The following BNC2 variants were observed in gnomAD, a reference collection of about 807,000 sequenced individuals.
BNC2 encodes basonuclin zinc finger protein 2.
BNC2 carries 20 observed loss-of-function variants against 76.3 expected under a neutral mutation model. The ratio of observed to expected loss-of-function variants is 0.26; its 90% confidence interval spans 0.18 to 0.38. The LOEUF is 0.38. BNC2 is among the 10% of genes least tolerant of loss of function. The pLI is 1.00. For missense variants in BNC2, 1,382 were observed against 1,399.8 expected (o/e 0.99, Z 0.20); for synonymous variants, 582 against 514.8 (o/e 1.13, Z -1.77).
At chr9:16,534,138 C>G (rs950053221) in intron 5 of BNC2, among the ~76,000 whole-genome samples, 3 of 152,110 alleles carry the variant, frequency 2.0e-5, no homozygotes, top group African/African-American at 7.2e-5. Flanking sequence ...GCAAAGAGCT[C>G]TAGATGTGAT....
intron 4 of BNC2, among the ~76,000 whole-genome samples, chr9:16,568,192 T>G (rs16934814): frequency 0.066 from 10,028 of 152,172 alleles, 1,156 homozygotes; most frequent in African/African-American, 0.23. Context: ...AGACTACTAT[T>G]TGAATTTCCA....
At chr9:16,520,007 A>G (rs1817565031) in intron 5 of BNC2, among the ~76,000 whole-genome samples, 1 of 152,182 alleles carries the variant, frequency 6.6e-6, no homozygotes, top group South Asian at 2.1e-4. Flanking sequence ...AAATCAAATT[A>G]TCTTTAAGAA....
chr9:16,860,041 G>C (rs370635738), intron 1 of BNC2, among the ~76,000 whole-genome samples: 4 of 151,796 alleles, frequency 2.6e-5, no homozygotes, highest in Non-Finnish European at 5.9e-5. Context: ...GGAATTGCTT[G>C]AACCAGGGAG....
chr9:16,840,850 T>C (rs551400470), intron 1 of BNC2, among the ~76,000 whole-genome samples: 1 of 152,268 alleles, frequency 6.6e-6, no homozygotes, highest in Non-Finnish European at 1.5e-5. Context: ...GATTGGAAAA[T>C]ATCTTCACTA....
At chr9:16,701,181 A>C (rs1386150641) in intron 3 of BNC2, among the ~76,000 whole-genome samples, 1 of 152,082 alleles carries the variant, frequency 6.6e-6, no homozygotes, top group African/African-American at 2.4e-5. Context: ...ATCTAGAACA[A>C]CTCTGATTTT....
intron 3 of BNC2, among the ~76,000 whole-genome samples, chr9:16,658,309 CAG>C (rs1307537792): frequency 6.6e-6 from 1 of 151,892 alleles, no homozygotes; most frequent in Non-Finnish European, 1.5e-5. Flanking sequence ...AATTTGGAGT[CAG>C]GGGGAGTACT....
intron 3 of BNC2, chr9:16,665,058 G>C (rs1206513002): frequency 2.2e-6 from 1 of 456,208 alleles, no homozygotes; most frequent in Non-Finnish European, 4.4e-6. Context: ...ATAAATTAAG[G>C]AAGTACCTTA....
At chr9:16,863,222 T>C (rs761367556) in intron 1 of BNC2, among the ~76,000 whole-genome samples, 2 of 151,838 alleles carry the variant, frequency 1.3e-5, no homozygotes, top group Non-Finnish European at 2.9e-5. Context: ...CCCATCTCAA[T>C]ATATTCTACA....
chr9:16,835,530 C>A (rs547502520), intron 1 of BNC2, among the ~76,000 whole-genome samples: 1 of 151,670 alleles, frequency 6.6e-6, no homozygotes, highest in Non-Finnish European at 1.5e-5. Context: ...GAAACCCTGT[C>A]CCTACTAAAA....
chr9:16,441,137 T>C (rs1821120376), intron 5 of BNC2, among the ~76,000 whole-genome samples: 1 of 152,064 alleles, frequency 6.6e-6, no homozygotes, highest in African/African-American at 2.4e-5. Flanking sequence ...CAAGACCCTG[T>C]CTACAAAAAT....
intron 2 of BNC2, among the ~76,000 whole-genome samples, chr9:16,737,667 C>T (rs948677605): frequency 2.0e-5 from 3 of 151,662 alleles, no homozygotes; most frequent in Admixed American, 6.6e-5. Context: ...ATATTTAAAT[C>T]GAAAAATGTT....
chr9:16,749,948 C>A (rs1218101220), intron 1 of BNC2, among the ~76,000 whole-genome samples: 3 of 152,150 alleles, frequency 2.0e-5, no homozygotes, highest in East Asian at 3.9e-4. Context: ...TTCAAATATT[C>A]CCCTAGAACA....
At chr9:16,685,475 C>T in intron 3 of BNC2, 2 of 988,460 alleles carry the variant, frequency 2.0e-6, no homozygotes, top group Admixed American at 2.3e-5. Context: ...GCTGATATAC[C>T]CAAATGGCTT....
intron 1 of BNC2, among the ~76,000 whole-genome samples, chr9:16,761,003 G>A (rs1167492911): frequency 6.6e-6 from 1 of 152,118 alleles, no homozygotes; most frequent in East Asian, 1.9e-4. Flanking sequence ...AGCTCTTTGG[G>A]AGGCTAAGGC....
chr9:16,438,337 G>A (rs541769074), intron 5 of BNC2, among the ~76,000 whole-genome samples: 11 of 152,282 alleles, frequency 7.2e-5, no homozygotes, highest in African/African-American at 2.6e-4. Context: ...GATTTAGACA[G>A]AATAAATGTG....
At chr9:16,738,631 C>T (rs904392215) in intron 1 of BNC2, 146 bp from the exon 2 acceptor site, 10 of 878,804 alleles carry the variant, frequency 1.1e-5, no homozygotes, top group African/African-American at 1.7e-5. Flanking sequence ...GTTTCTAAGG[C>T]TGATAGTAGC....
chr9:16,580,088 C>T (rs1030180255), intron 4 of BNC2: 8 of 398,324 alleles, frequency 2.0e-5, no homozygotes, highest in Non-Finnish European at 3.5e-5. Context: ...ATAAGGCAGC[C>T]GGAAAGAATG....
At chr9:16,661,455 T>C (rs1822108421) in intron 3 of BNC2, among the ~76,000 whole-genome samples, 1 of 150,784 alleles carries the variant, frequency 6.6e-6, no homozygotes, top group Non-Finnish European at 1.5e-5. Flanking sequence ...TGTATGTTAG[T>C]TCCCCAGAGA....
chr9:16,552,085 A>G (rs1363860058), intron 5 of BNC2, among the ~76,000 whole-genome samples: 1 of 152,166 alleles, frequency 6.6e-6, no homozygotes, highest in Non-Finnish European at 1.5e-5. Context: ...TAAAATGTGT[A>G]CCTTTAGGTA....
Sources: allele counts gnomAD v4.1 joint callset (sites outside exome capture counted in the v4.1 genomes callset), GRCh38; gene constraint gnomAD v4.1.1; transcripts MANE v1.5; gene names NCBI Gene and HGNC (gene_info 2026-07-23, HGNC 2026-07-21).